Variants in ADGRV1 observed in about 807,000 individuals in gnomAD.
ADGRV1 encodes adhesion G protein-coupled receptor V1, also known as G-protein coupled receptor 98.
In ADGRV1, 359 loss-of-function variants were observed where a neutral mutation model predicts 596.2. The observed-to-expected ratio is 0.60, with a 90% CI of 0.55 to 0.66. The LOEUF (loss-of-function observed/expected upper bound fraction) is 0.66. Ranked by LOEUF, ADGRV1 falls within the 30% of genes least tolerant of loss-of-function variation. The pLI is 0.00. For missense variants in ADGRV1, 7,274 were observed against 7,575.6 expected, an observed-to-expected ratio of 0.96 and a Z score of 1.48; for synonymous variants, 2,681 against 2,679.2, an observed-to-expected ratio of 1.00 and a Z score of -0.02.
rs577983638 is a variant in ADGRV1 at position 90,886,564 on chromosome 5, T to G, written c.17856+22707T>G. On this transcript the variant is annotated intron_variant, in intron 83 of 89. Coordinates refer to ENST00000405460, the MANE Select transcript of ADGRV1 (RefSeq NM_032119.4). ...TCATCATTAGCCATAGCGTTAAGCTTTAACCATTTTTGTATACTTCGTGAC... is the reference window on the plus strand; with the variant it reads ...TCATCATTAGCCATAGCGTTAAGCTGTAACCATTTTTGTATACTTCGTGAC... Among the ~76,000 whole-genome samples, 14 of 152,292 alleles carry G rather than the reference T, an allele frequency of 9.2e-5. No individual in the cohort carries two copies. In the East Asian group the frequency reaches 2.5e-3, roughly 27 times the overall value.
rs1285420454 is a variant in ADGRV1, at chr5:91,054,098, T to TGAGAGAGA, written c.18153-18348_18153-18347insAGAGAGAG. On this transcript the variant is annotated intron_variant, in intron 85 of 89. Transcript: ENST00000405460. ...GTGTGTGTGTGTGTGTGTGTGTGTG[T>TGAGAGAGA]GTGTGAGAGAGAGAGAGAGAGAGAG... Among the ~76,000 whole-genome samples, 326 of 124,490 alleles carry TGAGAGAGA rather than the reference T, an allele frequency of 2.6e-3. 1 individual carries two copies. The highest frequency in any genetic ancestry group is 0.015 in the East Asian group (67 of 4,616). 81.7% of individuals were successfully genotyped at this position (124,490 alleles called of 152,430 possible).
chr5:90,737,094 G>A (rs1489444491), intron 50 of ADGRV1, among the ~76,000 whole-genome samples: 2 of 151,640 alleles, frequency 1.3e-5, no homozygotes, highest in East Asian at 1.9e-4. Flanking sequence ...GTTTATTGCT[G>A]TAAATTTTCC....
At chr5:90,724,514 C>T (rs1402393307) in intron 45 of ADGRV1, among the ~76,000 whole-genome samples, 1 of 152,202 alleles carries the variant, frequency 6.6e-6, no homozygotes, top group Non-Finnish European at 1.5e-5. Flanking sequence ...CAGGCGTGAG[C>T]CACCATGCCC....
intron 85 of ADGRV1, 109 bp downstream of exon 85, chr5:90,985,631 CCA>C: frequency 1.3e-6 from 1 of 758,420 alleles, no homozygotes; most frequent in Non-Finnish European, 2.2e-6. Context: ...TGCTTTTCTG[CCA>C]CAGTGTCTGA....
chr5:90,750,955 A>C (rs1755183260), intron 53 of ADGRV1, among the ~76,000 whole-genome samples: 1 of 152,208 alleles, frequency 6.6e-6, no homozygotes, highest in Admixed American at 6.5e-5. Flanking sequence ...CGTTGGCCAC[A>C]TTGTGGGTGC....
At chr5:90,906,468 C>T (rs949933541) in intron 83 of ADGRV1, among the ~76,000 whole-genome samples, 2 of 152,046 alleles carry the variant, frequency 1.3e-5, no homozygotes, top group Non-Finnish European at 2.9e-5. Flanking sequence ...TTGTATGTGT[C>T]TAGGAATTTG....
chr5:90,748,865 A>G (rs73177408), intron 52 of ADGRV1, among the ~76,000 whole-genome samples: 1,830 of 145,234 alleles, frequency 0.013, 35 homozygotes, highest in African/African-American at 0.046. Context: ...GAGCTGGTAT[A>G]CTGCTGTGCT....
At chr5:90,612,029 A>G (rs1375868382) in intron 1 of ADGRV1, among the ~76,000 whole-genome samples, 4 of 152,044 alleles carry the variant, frequency 2.6e-5, no homozygotes, top group South Asian at 2.1e-4. Context: ...GCAATTATCA[A>G]TGATGTCACA....
intron 84 of ADGRV1, among the ~76,000 whole-genome samples, chr5:90,970,054 C>T (rs1364994077): frequency 6.6e-6 from 1 of 152,238 alleles, no homozygotes; most frequent in Admixed American, 6.5e-5. Context: ...ATGGTCTTAG[C>T]AAATGGCACA....
At chr5:90,670,821 A>G (rs1034650524) in intron 21 of ADGRV1, among the ~76,000 whole-genome samples, 3 of 152,218 alleles carry the variant, frequency 2.0e-5, no homozygotes, top group South Asian at 2.1e-4. Flanking sequence ...GGAAACAGCA[A>G]TTCATTCTTA....
At chr5:90,833,898 C>T (rs1004574640) in intron 77 of ADGRV1, among the ~76,000 whole-genome samples, 1 of 151,970 alleles carries the variant, frequency 6.6e-6, no homozygotes, top group African/African-American at 2.4e-5. Context: ...ATTCTCTTGT[C>T]TGATTGTCAT....
intron 86 of ADGRV1, among the ~76,000 whole-genome samples, chr5:91,073,025 T>G (rs1204749553): frequency 1.3e-5 from 2 of 152,220 alleles, no homozygotes; most frequent in Non-Finnish European, 2.9e-5. Context: ...TGCTGACAGA[T>G]GTTTAAAAAC....
At chr5:90,791,923 G>T (rs1341493755) in intron 70 of ADGRV1, 1 of 152,694 alleles carries the variant, frequency 6.5e-6, no homozygotes, top group Admixed American at 6.5e-5. Context: ...CAAGCAGACA[G>T]CCCAGCAGTC....
At chr5:90,850,292 TGAGTGAGTCCTG>T (rs925407116) in intron 79 of ADGRV1, among the ~76,000 whole-genome samples, 1 of 152,180 alleles carries the variant, frequency 6.6e-6, no homozygotes, top group African/African-American at 2.4e-5. Flanking sequence ...TTAATTTTGA[TGAGTGAGTCCTG>T]GAAATTGAGG....
At chr5:90,589,539 A>C (rs1580365274) in intron 1 of ADGRV1, among the ~76,000 whole-genome samples, 1 of 152,122 alleles carries the variant, frequency 6.6e-6, no homozygotes. Context: ...TTTTGTTTCA[A>C]TGTCTATATG....
chr5:91,121,089 G>A (rs983951644), intron 87 of ADGRV1, among the ~76,000 whole-genome samples: 4 of 152,114 alleles, frequency 2.6e-5, no homozygotes, highest in East Asian at 1.9e-4. Context: ...TAGGAGAATC[G>A]CTTCAACCCT....
At chr5:90,613,119 C>T (rs1039896562) in intron 1 of ADGRV1, among the ~76,000 whole-genome samples, 28 of 152,218 alleles carry the variant, frequency 1.8e-4, no homozygotes, top group African/African-American at 6.5e-4. Flanking sequence ...CACTCTGTCT[C>T]ACATTGCACT....
At chr5:91,003,545 G>C (rs1183501762) in intron 85 of ADGRV1, among the ~76,000 whole-genome samples, 4 of 152,146 alleles carry the variant, frequency 2.6e-5, no homozygotes, top group Non-Finnish European at 5.9e-5. Context: ...TCTAGAAATA[G>C]AAATGACGAG....
At position 90,635,121 on chromosome 5, in the gene ADGRV1, CTG is replaced by C; in HGVS notation, c.1850_1851del (p.Val617GlyfsTer15). On this transcript the variant is annotated frameshift_variant, in exon 10 of 90. Transcript: ENST00000405460. LOFTEE classifies it high-confidence loss of function. ...TGTATTTGTTTATTATAGTTGGAAA[CTG>C]TGGAGTTGTTAAACATAATTCCTCT... 2 of 1,583,376 alleles carry C rather than the reference CTG, an allele frequency of 1.3e-6. No individual in the cohort carries two copies. Among genetic ancestry groups the C allele is most frequent in the South Asian group, 1.1e-5 (1 of 89,536 alleles).
Sources: allele counts gnomAD v4.1 joint callset (sites outside exome capture counted in the v4.1 genomes callset), GRCh38; gene constraint gnomAD v4.1.1; transcripts MANE v1.5; gene names NCBI Gene and HGNC (gene_info 2026-07-23, HGNC 2026-07-21).